Variants in LRRC8B observed in about 807,000 individuals in gnomAD.
The protein encoded by LRRC8B is leucine rich repeat containing 8 VRAC subunit B, also known as volume-regulated anion channel subunit LRRC8B.
LRRC8B carries 23 observed loss-of-function variants against 58.8 expected under a neutral mutation model. That is an observed-to-expected ratio of 0.39 (90% confidence interval 0.28 to 0.55). LRRC8B has a LOEUF of 0.55. LRRC8B is among the 20% of genes least tolerant of loss of function. LRRC8B has a pLI of 0.62. For missense variants in LRRC8B, 694 were observed against 936.0 expected (o/e 0.74, Z 3.37); for synonymous variants, 359 against 374.1 (o/e 0.96, Z 0.47).
chr1:89,561,863 C>T (rs1652682795), intron 1 of LRRC8B, among the ~76,000 whole-genome samples: 2 of 151,702 alleles, frequency 1.3e-5, no homozygotes, highest in Non-Finnish European at 2.9e-5. Flanking sequence ...ATTGACTTGG[C>T]AATGCGGGCT....
In LRRC8B at chr1:89,594,290, T is replaced by C. The variant is rs1655173382; in HGVS notation, c.*1247T>C. The C allele has an allele frequency of 6.6e-6, 1 of 152,170 alleles. No individual in the cohort carries two copies. The highest frequency in any genetic ancestry group is 6.5e-5 in the Admixed American group (1 of 15,274). The allele number at this position is 152,170 out of a possible 1,614,324, so 9.4% of individuals were successfully genotyped here. A position where few individuals can be genotyped will look rare whatever the true frequency, so the allele number is the denominator to read the frequency against. ...AATGTTTTTGTACTCTGCAACTAAT[T>C]ACTTTTGGATAACAAAAGCCTTGTG... On this transcript the variant is annotated 3_prime_UTR_variant, in exon 6 of 6. Coordinates refer to ENST00000330947, the MANE Select transcript of LRRC8B (RefSeq NM_001369817.2).
rs186528304 is a variant in LRRC8B at position 89,537,257 on chromosome 1, C to G, written c.-241+12235C>G. Among the ~76,000 whole-genome samples the G allele has an allele frequency of 6.4e-3, 970 of 152,294 alleles. 6 individuals are homozygous for G. The highest frequency in any genetic ancestry group is 0.012 in the Non-Finnish European group (791 of 68,028). ...TCAGCCTGGGCAACATAGCAAGACC[C>G]TGTCGCTTAAGAACAAAATGTGCAA... On this transcript the variant is annotated intron_variant, in intron 1 of 5. Coordinates refer to ENST00000330947, the MANE Select transcript of LRRC8B (RefSeq NM_001369817.2).
chr1:89,540,511 C>T (rs1650878432), intron 1 of LRRC8B, among the ~76,000 whole-genome samples: 1 of 152,232 alleles, frequency 6.6e-6, no homozygotes, highest in Non-Finnish European at 1.5e-5. Context: ...TAACCTTCCC[C>T]AGTCATGTCA....
chr1:89,582,847 G>A lies in LRRC8B; in HGVS notation c.197G>A (p.Cys66Tyr), dbSNP rs1654333281. ...LPCKVEFDNH[C>Y]AVPWDILKAS... ...TGCAAAGTGGAATTTGACAATCACT[G>A]TGCCGTGCCTTGGGACATCCTGAAA... The change falls in exon 5 of 6, where the codon TGT becomes TAT. Residue 66 changes from cysteine to tyrosine, a missense_variant. Cys to Tyr is a radical substitution (Grantham distance 194). Coordinates refer to ENST00000330947, the MANE Select transcript of LRRC8B (RefSeq NM_001369817.2). 6.2e-7 allele frequency: 1 copy of A among 1,614,162 alleles called. No individual in the cohort carries two copies. Among genetic ancestry groups the A allele is most frequent in the African/African-American group, 1.3e-5 (1 of 75,016 alleles).
intron 1 of LRRC8B, among the ~76,000 whole-genome samples, chr1:89,529,368 C>G (rs1035315498): frequency 1.3e-5 from 2 of 152,138 alleles, no homozygotes; most frequent in Non-Finnish European, 2.9e-5. Flanking sequence ...TTTTGAGTGT[C>G]AGGGAGCAAG....
chr1:89,550,328 T>C (rs1192576801), intron 1 of LRRC8B, among the ~76,000 whole-genome samples: 2 of 152,230 alleles, frequency 1.3e-5, no homozygotes, highest in East Asian at 1.9e-4. Context: ...AACGAGTTGT[T>C]CATGCTGCTA....
chr1:89,553,749 A>T (rs186608385), intron 1 of LRRC8B, among the ~76,000 whole-genome samples: 1 of 152,320 alleles, frequency 6.6e-6, no homozygotes, highest in African/African-American at 2.4e-5. Flanking sequence ...TTCTACTCAG[A>T]ATTTTAATTT....
intron 3 of LRRC8B, among the ~76,000 whole-genome samples, chr1:89,575,891 AC>A (rs753613902): frequency 6.6e-6 from 1 of 152,156 alleles, no homozygotes; most frequent in Non-Finnish European, 1.5e-5. Context: ...TTCTTTTTAA[AC>A]ATATTGTAAA....
At chr1:89,550,792 A>T (rs1161402247) in intron 1 of LRRC8B, among the ~76,000 whole-genome samples, 3 of 152,022 alleles carry the variant, frequency 2.0e-5, no homozygotes, top group Non-Finnish European at 4.4e-5. Context: ...CACTGATACT[A>T]CCATGGTCTT....
At chr1:89,579,872 A>G (rs1654099743) in intron 4 of LRRC8B, among the ~76,000 whole-genome samples, 184 bp downstream of exon 4, 1 of 152,230 alleles carries the variant, frequency 6.6e-6, no homozygotes, top group South Asian at 2.1e-4. Flanking sequence ...GACAAATGAA[A>G]CATGAATTTA....
intron 4 of LRRC8B, among the ~76,000 whole-genome samples, chr1:89,581,396 C>A: frequency 6.6e-6 from 1 of 151,458 alleles, no homozygotes; most frequent in Non-Finnish European, 1.5e-5. Flanking sequence ...CCAAGAGAAA[C>A]CCTTGAAAAT....
At chr1:89,592,719 C>A in intron 5 of LRRC8B, 52 bp from the exon 6 acceptor site, 11 of 1,410,498 alleles carry the variant, frequency 7.8e-6, no homozygotes, top group African/African-American at 1.5e-5. Context: ...AATGTCTTAT[C>A]ATAAGCCACC....
chr1:89,547,521 TACAATG>T (rs1387933637), intron 1 of LRRC8B, among the ~76,000 whole-genome samples: 1 of 152,220 alleles, frequency 6.6e-6, no homozygotes, highest in Non-Finnish European at 1.5e-5. Context: ...TATGGAATGT[TACAATG>T]AAAATAAATT....
intron 1 of LRRC8B, chr1:89,527,110 G>A (rs1649758008): frequency 6.6e-6 from 1 of 152,180 alleles, no homozygotes; most frequent in Non-Finnish European, 1.5e-5. Flanking sequence ...GTTTTCTGAA[G>A]TTTAAGGGGA....
chr1:89,533,101 A>G (rs1650261261), intron 1 of LRRC8B, among the ~76,000 whole-genome samples: 1 of 152,182 alleles, frequency 6.6e-6, no homozygotes, highest in Non-Finnish European at 1.5e-5. Flanking sequence ...CTAACTGATA[A>G]TGATTTTGTA....
At chr1:89,537,894 A>G (rs1338534782) in intron 1 of LRRC8B, among the ~76,000 whole-genome samples, 2 of 152,258 alleles carry the variant, frequency 1.3e-5, no homozygotes, top group Non-Finnish European at 2.9e-5. Flanking sequence ...AAGTCTGCTG[A>G]CATCTTGTGA....
rs539395838 is a variant in LRRC8B at position 89,596,055 on chromosome 1, T to C, written c.*3012T>C. On this transcript the variant is annotated 3_prime_UTR_variant, in exon 6 of 6. Transcript: ENST00000330947. ...TAGCATTAGTTTTTGATATATCTAG[T>C]GGTTTTTTTTTCAAAATTGCAGGAG... 5.3e-5 allele frequency: 8 copies of C among 152,172 alleles called. No individual in the cohort carries two copies. Among genetic ancestry groups the C allele is most frequent in the African/African-American group, 1.9e-4 (8 of 41,552 alleles). 9.4% of individuals were successfully genotyped at this position (152,172 alleles called of 1,614,324 possible).
rs1470190414 is a variant in LRRC8B at position 89,595,008 on chromosome 1, A to T, written c.*1965A>T. On this transcript the variant is annotated 3_prime_UTR_variant, in exon 6 of 6. Coordinates refer to ENST00000330947, the MANE Select transcript of LRRC8B (RefSeq NM_001369817.2). Reference sequence around the variant, plus strand: ...TAGAGCTTCCCCTCACCTGCCACACACTCCTGCACTAAAGTTCAAAGAAAA... The same window carrying T: ...TAGAGCTTCCCCTCACCTGCCACACTCTCCTGCACTAAAGTTCAAAGAAAA... The T allele has an allele frequency of 6.6e-6, 1 of 152,088 alleles. No homozygotes were observed. Among genetic ancestry groups the T allele is most frequent in the Non-Finnish European group, 1.5e-5 (1 of 67,958 alleles). 9.4% of individuals were successfully genotyped at this position (152,088 alleles called of 1,614,324 possible).
intron 1 of LRRC8B, among the ~76,000 whole-genome samples, chr1:89,539,346 AC>A (rs1650779970): frequency 1.3e-5 from 2 of 152,278 alleles, no homozygotes; most frequent in South Asian, 2.1e-4. Context: ...GAAATAGAGA[AC>A]AAAGCAGATG....
Sources: allele counts gnomAD v4.1 joint callset (sites outside exome capture counted in the v4.1 genomes callset), GRCh38; gene constraint gnomAD v4.1.1; transcripts MANE v1.5; gene names NCBI Gene and HGNC (gene_info 2026-07-23, HGNC 2026-07-21).